The following MECOM variants were observed in gnomAD, a reference collection of about 807,000 sequenced individuals.
MECOM encodes MDS1 and EVI1 complex locus.
MECOM carries 13 observed loss-of-function variants against 116.3 expected under a neutral mutation model. The ratio of observed to expected loss-of-function variants is 0.11; its 90% CI spans 0.07 to 0.18. The LOEUF is 0.18. Ranked by LOEUF, MECOM falls within the 10% of genes least tolerant of loss-of-function variation. The pLI is 1.00. For missense variants in MECOM, 1,299 were observed against 1,509.0 expected, an observed-to-expected ratio of 0.86 and a Z score of 2.31; for synonymous variants, 528 against 535.2, an observed-to-expected ratio of 0.99 and a Z score of 0.19.
At chr3:169,161,456 G>T (rs1742834405) in intron 2 of MECOM, among the ~76,000 whole-genome samples, 2 of 152,012 alleles carry the variant, frequency 1.3e-5, no homozygotes, top group African/African-American at 4.8e-5. Flanking sequence ...GATATGGACA[G>T]ACCTAAAAGA....
intron 3 of MECOM, chr3:169,134,030 A>C (rs1735589162): frequency 3.9e-6 from 4 of 1,023,052 alleles, no homozygotes; most frequent in African/African-American, 1.6e-5. Context: ...AGTGAGGTTA[A>C]AGAGACAATA....
At chr3:169,437,148 A>G (rs1408864816) in intron 1 of MECOM, among the ~76,000 whole-genome samples, 2 of 152,202 alleles carry the variant, frequency 1.3e-5, no homozygotes, top group African/African-American at 4.8e-5. Flanking sequence ...TCCATCTCCC[A>G]GATAAGGAAA....
intron 2 of MECOM, among the ~76,000 whole-genome samples, chr3:169,371,534 C>CACACAG (rs397877198): frequency 6.6e-6 from 1 of 151,178 alleles, no homozygotes; most frequent in African/African-American, 2.4e-5. Context: ...CACACACACA[C>CACACAG]TCACACACAC....
At chr3:169,168,852 AAAT>A (rs1477762972) in intron 2 of MECOM, among the ~76,000 whole-genome samples, 1 of 151,984 alleles carries the variant, frequency 6.6e-6, no homozygotes, top group African/African-American at 2.4e-5. Flanking sequence ...AACTCAAAGA[AAAT>A]AAAATCAAAA....
At chr3:169,180,179 A>G (rs1442791247) in intron 2 of MECOM, among the ~76,000 whole-genome samples, 1 of 152,172 alleles carries the variant, frequency 6.6e-6, no homozygotes, top group Non-Finnish European at 1.5e-5. Flanking sequence ...GTTCAGGCCC[A>G]ATATTATTTC....
intron 2 of MECOM, among the ~76,000 whole-genome samples, chr3:169,192,873 T>C (rs1464114596): frequency 6.6e-6 from 1 of 152,056 alleles, no homozygotes; most frequent in African/African-American, 2.4e-5. Flanking sequence ...AGTGATATCT[T>C]GTTGTTTATT....
At chr3:169,470,979 T>C (rs1048036066) in intron 1 of MECOM, among the ~76,000 whole-genome samples, 1 of 152,072 alleles carries the variant, frequency 6.6e-6, no homozygotes, top group Non-Finnish European at 1.5e-5. Context: ...TGAGACAGGG[T>C]CTGGCTCTGT....
At chr3:169,105,449 T>C (rs1232349056) in intron 10 of MECOM, among the ~76,000 whole-genome samples, 4 of 152,124 alleles carry the variant, frequency 2.6e-5, no homozygotes, top group Admixed American at 6.6e-5. Flanking sequence ...ATAGTAAGTT[T>C]TGACATTCAT....
intron 1 of MECOM, among the ~76,000 whole-genome samples, chr3:169,558,495 T>C (rs1484971283): frequency 6.6e-6 from 1 of 152,172 alleles, no homozygotes; most frequent in Non-Finnish European, 1.5e-5. Flanking sequence ...CCAAAATAGA[T>C]GTGTGTGATA....
chr3:169,240,630 T>C (rs368853954), intron 2 of MECOM, among the ~76,000 whole-genome samples: 8 of 152,258 alleles, frequency 5.3e-5, no homozygotes, highest in African/African-American at 1.4e-4. Flanking sequence ...TTAGGAAGTA[T>C]ACAGTTTCCT....
At chr3:169,404,836 G>T (rs1736432541) in intron 1 of MECOM, among the ~76,000 whole-genome samples, 1 of 152,140 alleles carries the variant, frequency 6.6e-6, no homozygotes, top group Admixed American at 6.5e-5. Context: ...TTCTAATCGA[G>T]CCCCCAGAAG....
intron 2 of MECOM, among the ~76,000 whole-genome samples, chr3:169,222,757 T>C (rs145671631): frequency 5.2e-4 from 79 of 152,366 alleles, no homozygotes; most frequent in African/African-American, 1.8e-3. Context: ...GTGTAAACAC[T>C]AATTTTGTGA....
chr3:169,638,148 A>T (rs528359007), intron 1 of MECOM, among the ~76,000 whole-genome samples: 1 of 152,246 alleles, frequency 6.6e-6, no homozygotes, highest in South Asian at 2.1e-4. Flanking sequence ...AGTGAACTGT[A>T]TTTTTTCTCC....
At chr3:169,195,828 G>A (rs571657913) in intron 2 of MECOM, among the ~76,000 whole-genome samples, 56 of 152,058 alleles carry the variant, frequency 3.7e-4, no homozygotes, top group East Asian at 1.7e-3. Flanking sequence ...ATGAATCCTC[G>A]CTCTGTCAAG....
At position 169,573,678 on chromosome 3, in the gene MECOM, C is replaced by A. The variant is rs1260310063; in HGVS notation, c.37+89658G>T. On this transcript the variant is annotated intron_variant, in intron 1 of 16. Coordinates refer to ENST00000651503, the MANE Select transcript of MECOM (RefSeq NM_004991.4). ...AATCAAGCGGCATAATTTGGTTTAC[C>A]TTTTTTTTAACTTTCAAGAAGAAAA... is the stretch of plus-strand genomic sequence containing the variant. Among the ~76,000 whole-genome samples the A allele has an allele frequency of 3.3e-5, 5 of 151,976 alleles. No individual in the cohort carries two copies. The East Asian group carries it at 9.7e-4, about 29-fold the overall frequency.
At chr3:169,326,021 G>A (rs1721773759) in intron 2 of MECOM, among the ~76,000 whole-genome samples, 1 of 152,130 alleles carries the variant, frequency 6.6e-6, no homozygotes, top group South Asian at 2.1e-4. Flanking sequence ...CTAGGGCAGA[G>A]ATAACATGGC....
intron 1 of MECOM, among the ~76,000 whole-genome samples, chr3:169,528,296 T>G (rs560139189): frequency 6.6e-6 from 1 of 152,202 alleles, no homozygotes; most frequent in Admixed American, 6.5e-5. Context: ...CTAATATCCA[T>G]GTCTACCCAG....
Position 169,357,740 on chromosome 3 carries a change from A to G in MECOM, c.375+23447T>C, listed in dbSNP as rs554272577. Among the ~76,000 whole-genome samples, 47 of 151,950 alleles carry G rather than the reference A, an allele frequency of 3.1e-4. No homozygotes were observed. In the Middle Eastern group the frequency reaches 0.02, roughly 66 times the overall value. Reference sequence around the variant, plus strand: ...ATAGATAATTAATTTAACCAAAACCATTAGGTAAAAGGAGTTACACTGACA... The same window carrying G: ...ATAGATAATTAATTTAACCAAAACCGTTAGGTAAAAGGAGTTACACTGACA... On this transcript the variant is annotated intron_variant, in intron 2 of 16. Transcript: ENST00000651503.
chr3:169,099,022 T>A (rs993701238), intron 12 of MECOM, among the ~76,000 whole-genome samples: 1 of 152,020 alleles, frequency 6.6e-6, no homozygotes, highest in Non-Finnish European at 1.5e-5. Flanking sequence ...ATTCAATTGA[T>A]CTTCCCTGTA....
Sources: gnomAD v4.1 joint callset for allele counts (sites outside exome capture counted in the v4.1 genomes callset) on GRCh38, gnomAD v4.1.1 for gene constraint, MANE v1.5 for transcripts, NCBI Gene and HGNC (gene_info 2026-07-23, HGNC 2026-07-21) for gene names.